ZFHX3: variants seen among roughly 807,000 people sequenced by gnomAD.
ZFHX3 encodes the protein zinc finger homeobox protein 3.
In ZFHX3, 42 loss-of-function variants were observed where a neutral mutation model predicts 279.1. The ratio of observed to expected loss-of-function variants is 0.15; its 90% CI spans 0.12 to 0.19. The LOEUF (loss-of-function observed/expected upper bound fraction) is 0.19, where lower values mean the gene tolerates loss of function less well. Ranked by LOEUF, ZFHX3 falls within the 10% of genes least tolerant of loss-of-function variation. ZFHX3 has a pLI of 1.00. For missense variants in ZFHX3, 4,981 were observed against 4,754.0 expected (o/e 1.05, Z -1.40); for synonymous variants, 2,293 against 1,957.8 (o/e 1.17, Z -4.52).
chr16:73,442,274 G>A (rs1343616302), intron 3 of ZFHX3, among the ~76,000 whole-genome samples: 1 of 152,118 alleles, frequency 6.6e-6, no homozygotes, highest in Non-Finnish European at 1.5e-5. Flanking sequence ...TCTCTTCTGA[G>A]GCCTCTCTCC....
chr16:73,205,570 C>A (rs1456157394), intron 5 of ZFHX3, among the ~76,000 whole-genome samples: 1 of 152,048 alleles, frequency 6.6e-6, no homozygotes, highest in Non-Finnish European at 1.5e-5. Flanking sequence ...CATGGGGCAC[C>A]ATTTGAGGAG....
intron 1 of ZFHX3, among the ~76,000 whole-genome samples, chr16:73,027,419 A>G (rs2144666899): frequency 6.6e-6 from 1 of 152,358 alleles, no homozygotes; most frequent in Middle Eastern, 3.4e-3. Flanking sequence ...ACAGCAATAC[A>G]GCTTGCGCAT....
At chr16:73,212,363 TC>T (rs2012051686) in intron 5 of ZFHX3, among the ~76,000 whole-genome samples, 1 of 152,338 alleles carries the variant, frequency 6.6e-6, no homozygotes, top group African/African-American at 2.4e-5. Flanking sequence ...TGAACATATT[TC>T]CATGTCAATG....
At chr16:73,196,151 T>G (rs1354633860) in intron 5 of ZFHX3, among the ~76,000 whole-genome samples, 1 of 48,426 alleles carries the variant, frequency 2.1e-5, no homozygotes, top group Non-Finnish European at 4.8e-5. Context: ...CTTGAAATAG[T>G]TTTTTTTTTT....
chr16:73,340,938 T>C (rs1728856538), intron 3 of ZFHX3, among the ~76,000 whole-genome samples: 1 of 152,112 alleles, frequency 6.6e-6, no homozygotes, highest in Admixed American at 6.5e-5. Flanking sequence ...AAAAATTGCA[T>C]GAAAAAAACA....
intron 4 of ZFHX3, among the ~76,000 whole-genome samples, chr16:72,831,171 C>T (rs2037052167): frequency 6.6e-6 from 1 of 152,140 alleles, no homozygotes; most frequent in South Asian, 2.1e-4. Flanking sequence ...AAGGAAGTAA[C>T]AGGAGTACAA....
intron 1 of ZFHX3, among the ~76,000 whole-genome samples, chr16:73,811,801 T>C (rs1385554093): frequency 2.0e-5 from 3 of 152,162 alleles, no homozygotes; most frequent in African/African-American, 7.2e-5. Flanking sequence ...TTGTTCTCTC[T>C]GTTGTGATGC....
At chr16:73,191,804 C>G (rs116149397) in intron 5 of ZFHX3, among the ~76,000 whole-genome samples, 2,823 of 152,154 alleles carry the variant, frequency 0.019, 75 homozygotes, top group African/African-American at 0.065. Flanking sequence ...CCCTGGGAAT[C>G]TCTTAAAAGA....
chr16:73,327,654 C>T (rs778116401), intron 3 of ZFHX3, among the ~76,000 whole-genome samples: 1 of 152,216 alleles, frequency 6.6e-6, no homozygotes, highest in Non-Finnish European at 1.5e-5. Flanking sequence ...CAGCAAGTAT[C>T]TTGCCTTATC....
chr16:73,029,888 CAAAATGT>C (rs1158052382), intron 1 of ZFHX3, among the ~76,000 whole-genome samples: 5 of 152,142 alleles, frequency 3.3e-5, no homozygotes, highest in Non-Finnish European at 5.9e-5. Context: ...AAGGAGAATG[CAAAATGT>C]CAACAAAACA....
chr16:73,518,673 C>T (rs2143702182), intron 2 of ZFHX3, among the ~76,000 whole-genome samples: 1 of 152,256 alleles, frequency 6.6e-6, no homozygotes, highest in Non-Finnish European at 1.5e-5. Context: ...CAATTTTGAG[C>T]AAATGCTTTC....
intron 1 of ZFHX3, among the ~76,000 whole-genome samples, chr16:73,683,610 C>T (rs150395494): frequency 3.0e-4 from 46 of 150,948 alleles, no homozygotes; most frequent in African/African-American, 9.0e-4. Flanking sequence ...GGTGTGATCT[C>T]GGCTCACTGC....
chr16:73,639,425 G>A (rs1162820054), intron 2 of ZFHX3, among the ~76,000 whole-genome samples: 3 of 152,126 alleles, frequency 2.0e-5, no homozygotes, highest in Non-Finnish European at 4.4e-5. Context: ...TGGGTTTACA[G>A]TAGCCCCATA....
At chr16:73,171,570 TGTTC>T (rs1567409130) in intron 5 of ZFHX3, among the ~76,000 whole-genome samples, 1 of 152,014 alleles carries the variant, frequency 6.6e-6, no homozygotes, top group African/African-American at 2.4e-5. Flanking sequence ...GGGGAATCTG[TGTTC>T]CTGCAGCGCA....
chr16:73,190,864 G>A (rs1481075991), intron 5 of ZFHX3, among the ~76,000 whole-genome samples: 5 of 152,078 alleles, frequency 3.3e-5, no homozygotes, highest in Admixed American at 1.3e-4. Flanking sequence ...ACTACAGGGC[G>A]AAGGAAGAAA....
chr16:72,992,382 C>G (rs1289193924), intron 1 of ZFHX3, among the ~76,000 whole-genome samples: 2 of 152,178 alleles, frequency 1.3e-5, no homozygotes, highest in Non-Finnish European at 2.9e-5. Context: ...ACAGCTATCA[C>G]AAGAGGGCTG....
intron 4 of ZFHX3, among the ~76,000 whole-genome samples, chr16:72,885,791 G>A (rs1379622849): frequency 1.3e-5 from 2 of 152,160 alleles, no homozygotes; most frequent in Non-Finnish European, 2.9e-5. Context: ...TCACTTAGCA[G>A]GATGATGACA....
At position 73,168,215 on chromosome 16, in the gene ZFHX3, C is replaced by CTTTG. The variant is rs1028317799; in HGVS notation, c.-1103-24385_-1103-24384insCAAA. Among the ~76,000 whole-genome samples the CTTTG allele has an allele frequency of 4.3e-5, 4 of 92,462 alleles. No individual in the cohort carries two copies. In the Admixed American group the frequency reaches 4.6e-4, roughly 11 times the overall value. 60.7% of individuals were successfully genotyped at this position (92,462 alleles called of 152,430 possible). A position where few individuals can be genotyped will look rare whatever the true frequency, so the allele number is the denominator to read the frequency against. On this transcript the variant is annotated intron_variant, in intron 5 of 17. Coordinates refer to the ZFHX3 transcript ENST00000641206. ...TTAACACTATAGTTTCTTTTGTTTT[C>CTTTG]TTTCTTTCTTTCTTTCTTTCTTTCT...
At chr16:72,826,374 A>G (rs1265484104) in intron 5 of ZFHX3, among the ~76,000 whole-genome samples, 1 of 152,244 alleles carries the variant, frequency 6.6e-6, no homozygotes, top group Non-Finnish European at 1.5e-5. Context: ...CATCATGAAC[A>G]GCCACTAATC....
Sources: allele counts gnomAD v4.1 joint callset (sites outside exome capture counted in the v4.1 genomes callset), GRCh38; gene constraint gnomAD v4.1.1; transcripts MANE v1.5; gene names NCBI Gene and HGNC (gene_info 2026-07-23, HGNC 2026-07-21).